Variants in MRTFB observed in about 807,000 individuals in gnomAD.
The protein encoded by MRTFB is myocardin-related transcription factor B.
A neutral mutation model predicts 104.2 loss-of-function variants in MRTFB; 29 were observed. That is an observed-to-expected ratio of 0.28 (90% CI 0.21 to 0.38). The LOEUF (loss-of-function observed/expected upper bound fraction) is 0.38. Ranked by LOEUF, MRTFB falls within the 10% of genes least tolerant of loss-of-function variation. MRTFB has a pLI of 1.00. For missense variants in MRTFB, 1,270 were observed against 1,341.6 expected (o/e 0.95, Z 0.83); for synonymous variants, 535 against 519.5 (o/e 1.03, Z -0.41).
At chr16:14,004,346 A>C in the MRTFB span, among the ~76,000 whole-genome samples, 1 of 152,220 alleles carries the variant, frequency 6.6e-6, no homozygotes, top group Non-Finnish European at 1.5e-5. Flanking sequence ...GGCACTGAAC[A>C]GATGGGGCCT....
At chr16:14,021,816 T>C in the MRTFB span, among the ~76,000 whole-genome samples, 754 of 152,292 alleles carry the variant, frequency 5.0e-3, 4 homozygotes, top group Middle Eastern at 6.8e-3. Flanking sequence ...TATCCACTCA[T>C]TGATTGATGG....
At chr16:14,145,044 T>C (rs1036257463) in intron 3 of MRTFB, among the ~76,000 whole-genome samples, 1 of 149,572 alleles carries the variant, frequency 6.7e-6, no homozygotes, top group Non-Finnish European at 1.5e-5. Context: ...AAAGCAAATA[T>C]ATTAATTTTT....
the MRTFB span, among the ~76,000 whole-genome samples, chr16:14,029,988 G>A: frequency 2.0e-5 from 3 of 151,874 alleles, no homozygotes; most frequent in Non-Finnish European, 4.4e-5. Flanking sequence ...TTGGGTGGAT[G>A]CTGGGCATGG....
At chr16:14,147,862 CA>C (rs1365343808) in intron 3 of MRTFB, among the ~76,000 whole-genome samples, 1 of 152,162 alleles carries the variant, frequency 6.6e-6, no homozygotes, top group Admixed American at 6.5e-5. Flanking sequence ...CATTTATTAA[CA>C]GTAAGATTTA....
intron 2 of MRTFB, among the ~76,000 whole-genome samples, chr16:14,082,227 G>T (rs2034454406): frequency 6.6e-6 from 1 of 152,170 alleles, no homozygotes; most frequent in African/African-American, 2.4e-5. Context: ...TATGGCGTGA[G>T]ATAAAGGTCT....
the MRTFB span, among the ~76,000 whole-genome samples, chr16:14,027,716 A>G: frequency 5.9e-5 from 9 of 152,184 alleles, no homozygotes; most frequent in South Asian, 4.1e-4. Flanking sequence ...AACTACTTCA[A>G]ATTTTAAGTT....
At chr16:13,999,936 C>T in the MRTFB span, among the ~76,000 whole-genome samples, 1 of 152,200 alleles carries the variant, frequency 6.6e-6, no homozygotes, top group Non-Finnish European at 1.5e-5. Flanking sequence ...GGAAGTAAGC[C>T]TGTTCCAGGA....
the MRTFB span, among the ~76,000 whole-genome samples, chr16:14,007,095 A>G: frequency 1.3e-5 from 2 of 152,220 alleles, no homozygotes; most frequent in African/African-American, 4.8e-5. Flanking sequence ...CCAATTTAAA[A>G]TGTACAAGTC....
the MRTFB span, among the ~76,000 whole-genome samples, chr16:14,022,944 C>A: frequency 6.6e-6 from 1 of 151,950 alleles, no homozygotes; most frequent in African/African-American, 2.4e-5. Flanking sequence ...TGACCACCGG[C>A]CTCGGCCTCC....
chr16:14,186,677 C>T, intron 3 of MRTFB: 1 of 1,318,810 alleles, frequency 7.6e-7, no homozygotes, highest in Non-Finnish European at 9.6e-7. Flanking sequence ...GCTCTGCCTC[C>T]CGATGTGGGA....
intron 15 of MRTFB, among the ~76,000 whole-genome samples, chr16:14,256,394 T>C (rs2043495573): frequency 6.6e-6 from 1 of 152,202 alleles, no homozygotes; most frequent in African/African-American, 2.4e-5. Flanking sequence ...TTCTTTGACA[T>C]TCCTCTCTGG....
Position 14,186,946 on chromosome 16 carries a change from G to A in MRTFB, c.155-23297G>A, listed in dbSNP as rs577644890. ...GATAGCTCCAAGAAGCAGCAACAGG[G>A]CTTCCCAGAGATTTTAACTGCTGGG... On this transcript the variant is annotated intron_variant, in intron 3 of 16. Coordinates refer to ENST00000571589, the MANE Select transcript of MRTFB (RefSeq NM_001308142.2). 5 of 1,598,170 alleles carry A rather than the reference G, an allele frequency of 3.1e-6. No homozygotes were observed. In the Admixed American group the frequency reaches 8.3e-5, roughly 27 times the overall value.
chr16:14,107,528 A>G (rs971054269), intron 2 of MRTFB, among the ~76,000 whole-genome samples: 1 of 152,212 alleles, frequency 6.6e-6, no homozygotes, highest in South Asian at 2.1e-4. Context: ...CTAGGCATAG[A>G]ATAAATGGTG....
At chr16:14,257,751 A>G (rs186141843) in intron 15 of MRTFB, among the ~76,000 whole-genome samples, 63 of 152,358 alleles carry the variant, frequency 4.1e-4, no homozygotes, top group Admixed American at 7.2e-4. Context: ...AACTGAACAA[A>G]TATGTATAGT....
At chr16:14,252,060 G>A (rs377200727) in intron 14 of MRTFB, 37 bp downstream of exon 14, 96 of 1,602,090 alleles carry the variant, frequency 6.0e-5, no homozygotes, top group South Asian at 2.9e-4. Context: ...TGACAGTGCC[G>A]CAGGGGCATC....
chr16:14,247,691 G>GA (rs940162534), intron 12 of MRTFB, 184 bp downstream of exon 12: 42 of 599,642 alleles, frequency 7.0e-5, no homozygotes, highest in Non-Finnish European at 1.1e-4. Flanking sequence ...TTTATATAGT[G>GA]AAAAAAACAC....
chr16:14,207,071 A>G (rs1187477520), intron 3 of MRTFB, among the ~76,000 whole-genome samples: 2 of 152,070 alleles, frequency 1.3e-5, no homozygotes, highest in Admixed American at 6.5e-5. Context: ...GCTCTTTCCC[A>G]TGGATTTGTA....
At chr16:14,043,071 G>C in the MRTFB span, among the ~76,000 whole-genome samples, 2 of 152,184 alleles carry the variant, frequency 1.3e-5, no homozygotes, top group Non-Finnish European at 2.9e-5. Context: ...GACTTCTGGA[G>C]ACTGTGGGGC....
At chr16:14,217,769 T>TACTA (rs1319862402) in intron 7 of MRTFB, among the ~76,000 whole-genome samples, 1 of 152,282 alleles carries the variant, frequency 6.6e-6, no homozygotes, top group South Asian at 2.1e-4. Context: ...TTAATATTTT[T>TACTA]ACTAACTTTT....
Sources: allele counts gnomAD v4.1 joint callset (sites outside exome capture counted in the v4.1 genomes callset), GRCh38; gene constraint gnomAD v4.1.1; transcripts MANE v1.5; gene names NCBI Gene and HGNC (gene_info 2026-07-23, HGNC 2026-07-21).